The following DDX24 variants were observed in gnomAD, a reference collection of about 807,000 sequenced individuals.
DDX24 encodes ATP-dependent RNA helicase DDX24.
In DDX24, 24 loss-of-function variants were observed where a neutral mutation model predicts 68.9. The observed-to-expected ratio is 0.35, with a 90% CI of 0.25 to 0.49. DDX24 has a LOEUF of 0.49. DDX24 is among the 20% of genes least tolerant of loss of function. The pLI, the probability that DDX24 is intolerant of heterozygous loss-of-function variation, is 0.99. For missense variants in DDX24, 989 were observed against 1,039.0 expected (o/e 0.95, Z 0.66); for synonymous variants, 395 against 385.2 (o/e 1.03, Z -0.30).
chr14:94,080,685 T>G (rs1211959739), intron 1 of DDX24, among the ~76,000 whole-genome samples: 2 of 151,268 alleles, frequency 1.3e-5, no homozygotes, highest in East Asian at 3.9e-4. Context: ...CCGGACCCGC[T>G]GCGCCACGGC....
chr14:94,051,706 AT>A (rs1885391512), intron 8 of DDX24: 1 of 419,660 alleles, frequency 2.4e-6, no homozygotes, highest in African/African-American at 2.0e-5. Context: ...CAAGACTGGA[AT>A]TATCTTTACA....
intron 2 of DDX24, among the ~76,000 whole-genome samples, chr14:94,072,163 T>C (rs531291428): frequency 4.0e-4 from 61 of 152,342 alleles, no homozygotes; most frequent in African/African-American, 1.4e-3. Context: ...CATAATTTTA[T>C]AGCAGCACAA....
At chr14:94,071,128 T>A (rs1353223954) in intron 2 of DDX24, among the ~76,000 whole-genome samples, 1 of 152,028 alleles carries the variant, frequency 6.6e-6, no homozygotes, top group Non-Finnish European at 1.5e-5. Context: ...AAAGGACTAA[T>A]ATCCAGAATC....
chr14:94,055,313 T>C lies in DDX24; in HGVS notation c.1990-129A>G. ...GCAGGTAGAAACTTCTGCAGCATTG[T>C]AGAGCAATCTAGCCCTCCTCTCTTA... On this transcript the variant is annotated intron_variant, in intron 6 of 8. Transcript: ENST00000621632. 3 of 850,514 alleles carry C rather than the reference T, an allele frequency of 3.5e-6. No homozygotes were observed. The East Asian group carries it at 7.9e-5, about 23-fold the overall frequency. 52.7% of individuals were successfully genotyped at this position (850,514 alleles called of 1,614,324 possible). A position where few individuals can be genotyped will look rare whatever the true frequency, so the allele number is the denominator to read the frequency against.
rs1277024345 is a variant in DDX24 at position 94,079,371 on chromosome 14, C to T, written c.372G>A (p.Glu124=). ...TQKEFEVKDP[E]LEAQGDDMVC... ...CCATGTCATCTCCCTGGGCCTCCAGCTCAGGATCTTTCACTTCAAATTCTT... is the reference window on the plus strand; with the variant it reads ...CCATGTCATCTCCCTGGGCCTCCAGTTCAGGATCTTTCACTTCAAATTCTT... Residue 124 remains glutamate, a synonymous_variant, in exon 2 of 9, where the codon GAG becomes GAA. Transcript: ENST00000621632. 6.2e-7 allele frequency: 1 copy of T among 1,614,088 alleles called. No homozygotes were observed. The highest frequency in any genetic ancestry group is 1.3e-5 in the African/African-American group (1 of 75,016).
rs1477727903 is a variant in DDX24, at chr14:94,050,173, C to T, written c.*1018G>A. 1 of 152,240 alleles carries T rather than the reference C, an allele frequency of 6.6e-6. No homozygotes were observed. The highest frequency in any genetic ancestry group is 1.5e-5 in the Non-Finnish European group (1 of 68,052). 9.4% of individuals were successfully genotyped at this position (152,240 alleles called of 1,614,324 possible). ...GGATACTCACCTACACTGATCCAGA[C>T]AAAGCTGGGGCAGCATCAGGAAGTC... On this transcript the variant is annotated 3_prime_UTR_variant, in exon 9 of 9. Coordinates refer to ENST00000621632, the MANE Select transcript of DDX24 (RefSeq NM_020414.4).
intron 2 of DDX24, among the ~76,000 whole-genome samples, chr14:94,066,136 C>T (rs2141429744): frequency 6.6e-6 from 1 of 152,274 alleles, no homozygotes; most frequent in East Asian, 1.9e-4. Context: ...CTCCCGGAAA[C>T]AGACTGGGGC....
chr14:94,068,994 G>T (rs1255424467), intron 2 of DDX24, among the ~76,000 whole-genome samples: 1 of 151,880 alleles, frequency 6.6e-6, no homozygotes, highest in Non-Finnish European at 1.5e-5. Flanking sequence ...CCCAGCAGAA[G>T]AAAGGAAATA....
Position 94,049,577 on chromosome 14 carries a change from T to G in DDX24, c.*1614A>C. On this transcript the variant is annotated 3_prime_UTR_variant, in exon 9 of 9. Coordinates refer to ENST00000621632, the MANE Select transcript of DDX24 (RefSeq NM_020414.4). Reference sequence around the variant, plus strand: ...AAGTCTCAATCACTGGGTGTCTATATGCTCAAGTACAAAAAACACTAATAA... The same window carrying G: ...AAGTCTCAATCACTGGGTGTCTATAGGCTCAAGTACAAAAAACACTAATAA... 7.2e-6 allele frequency: 1 copy of G among 138,490 alleles called. No homozygotes were observed. Among genetic ancestry groups the G allele is most frequent in the East Asian group, 2.1e-4 (1 of 4,856 alleles). The allele number at this position is 138,490 out of a possible 1,614,324, so 8.6% of individuals were successfully genotyped here.
Position 94,066,311 on chromosome 14 carries a change from A to G in DDX24, c.719-3690T>C, listed in dbSNP as rs531353113. Among the ~76,000 whole-genome samples the G allele has an allele frequency of 2.0e-5, 3 of 151,950 alleles. No individual in the cohort carries two copies. In the South Asian group the frequency reaches 6.2e-4, roughly 32 times the overall value. On this transcript the variant is annotated intron_variant, in intron 2 of 8. Coordinates refer to ENST00000621632, the MANE Select transcript of DDX24 (RefSeq NM_020414.4). ...ACAACTCCAGTGACCTGGGAATCTA[A>G]CCCCCATCCCCCACAACACCCACAA...
In DDX24 at chr14:94,080,616, C is replaced by CA. The variant is rs1312701332; in HGVS notation, c.-6+502dup. Among the ~76,000 whole-genome samples, 22 of 150,806 alleles carry CA rather than the reference C, an allele frequency of 1.5e-4. No homozygotes were observed. In the South Asian group the frequency reaches 1.7e-3, roughly 12 times the overall value. On this transcript the variant is annotated intron_variant, in intron 1 of 8. Coordinates refer to ENST00000621632, the MANE Select transcript of DDX24 (RefSeq NM_020414.4). ...GCCACTACGAAAAAGTGACGCACGT[C>CA]AAAAAAAACCGCTGAGCATGGCGCC...
chr14:94,064,188 CA>C (rs1885651914), intron 2 of DDX24, among the ~76,000 whole-genome samples: 1 of 152,066 alleles, frequency 6.6e-6, no homozygotes, highest in African/African-American at 2.4e-5. Context: ...AATAAGACAA[CA>C]AAAAAGATAA....
At position 94,060,396 on chromosome 14, in the gene DDX24, T is replaced by A. The variant is rs1885569985; in HGVS notation, c.1615A>T (p.Met539Leu). 1.2e-6 allele frequency: 2 copies of A among 1,614,186 alleles called. No individual in the cohort carries two copies. The highest frequency in any genetic ancestry group is 1.7e-6 in the Non-Finnish European group (2 of 1,180,026). Residue 539 changes from methionine to leucine, a missense_variant, in exon 5 of 9, where the codon ATG becomes TTG. By Grantham distance (15) the Met-to-Leu change is conservative (BLOSUM62 2). This residue lies in a region of DDX24 where 691 missense variants were observed against 760.0 expected (regional missense o/e 0.91). Coordinates refer to ENST00000621632, the MANE Select transcript of DDX24 (RefSeq NM_020414.4). ...TTGCCCCTCATGCCAATTTTCTGCA[T>A]AAGGAGGTCAAGTTTGGCTGTTTTA... Reference protein sequence around the residue: ...MDKTAKLDLLMQKIGMRGKPK... With the variant: ...MDKTAKLDLLLQKIGMRGKPK...
Position 94,079,669 on chromosome 14 carries a change from ACTTTGATTCC to A in DDX24, c.64_73del (p.Gly22LeufsTer8). 1 of 1,614,078 alleles carries A rather than the reference ACTTTGATTCC, an allele frequency of 6.2e-7. No homozygotes were observed. The highest frequency in any genetic ancestry group is 8.5e-7 in the Non-Finnish European group (1 of 1,180,018). On this transcript the variant is annotated frameshift_variant, in exon 2 of 9. Transcript: ENST00000621632. LOFTEE classifies it high-confidence loss of function. ...CTTCACTTCCTTCCATTTTCCCACA[ACTTTGATTCC>A]CTTTGTCTGAAATTTGCCACAGCTT...
In DDX24 at chr14:94,060,539, A is replaced by G. The variant is rs199686333; in HGVS notation, c.1472T>C (p.Met491Thr). The change falls in exon 5 of 9, where the codon ATG (methionine) becomes ACG (threonine). Residue 491 changes from methionine to threonine, a missense_variant. Met to Thr is a moderately conservative substitution (Grantham distance 81). Coordinates refer to ENST00000621632, the MANE Select transcript of DDX24 (RefSeq NM_020414.4). ...TGGGTTGTATTGGGAGTCATTGAGC[A>G]TCTCTAGCAGCTGTGAGAGCTCAGC... ...HFAELSQLLEMLNDSQYNPKR... is the reference protein window; with the variant it reads ...HFAELSQLLETLNDSQYNPKR... 358 of 1,614,188 alleles carry G rather than the reference A, an allele frequency of 2.2e-4. 1 individual carries two copies. The Middle Eastern group carries it at 6.3e-3, about 28-fold the overall frequency.
intron 8 of DDX24, among the ~76,000 whole-genome samples, chr14:94,052,278 G>C (rs939107164): frequency 6.6e-6 from 1 of 152,180 alleles, no homozygotes. Flanking sequence ...AGCAGGGACC[G>C]GGCAGATTCA....
intron 2 of DDX24, among the ~76,000 whole-genome samples, chr14:94,066,232 T>C (rs141380810): frequency 2.0e-5 from 3 of 152,190 alleles, no homozygotes; most frequent in Admixed American, 6.5e-5. Flanking sequence ...CTTTCCCCCA[T>C]TTCCCTGACA....
intron 2 of DDX24, among the ~76,000 whole-genome samples, chr14:94,068,765 T>G (rs1885760686): frequency 6.6e-6 from 1 of 152,200 alleles, no homozygotes; most frequent in Non-Finnish European, 1.5e-5. Flanking sequence ...GAATGAGCAT[T>G]GGGTCAAAAA....
At chr14:94,057,659 T>C (rs1489951477) in intron 6 of DDX24, 163 bp downstream of exon 6, 1 of 597,716 alleles carries the variant, frequency 1.7e-6, no homozygotes, top group Non-Finnish European at 2.9e-6. Flanking sequence ...AGACCAAATC[T>C]CAGCAGTGTT....
Sources: allele counts gnomAD v4.1 joint callset (sites outside exome capture counted in the v4.1 genomes callset), GRCh38; gene constraint gnomAD v4.1.1; regional missense constraint gnomAD v4.1.1; transcripts MANE v1.5; gene names NCBI Gene and HGNC (gene_info 2026-07-23, HGNC 2026-07-21).